SH3BP4: variants seen among roughly 807,000 people sequenced by gnomAD.
The protein encoded by SH3BP4 is SH3 domain-binding protein 4.
Under a neutral mutation model 65.5 loss-of-function variants are expected in SH3BP4, and 33 were observed. The observed-to-expected ratio is 0.50, with a 90% CI of 0.38 to 0.67. The LOEUF (loss-of-function observed/expected upper bound fraction) is 0.67. Ranked by LOEUF, SH3BP4 falls within the 30% of genes least tolerant of loss-of-function variation. SH3BP4 has a pLI of 0.00. For synonymous variants in SH3BP4, 552 were observed against 545.5 expected (o/e 1.01, Z -0.17); for missense variants, 1,134 against 1,261.4 (o/e 0.90, Z 1.53).
At position 235,041,408 on chromosome 2, in the gene SH3BP4, T is replaced by C; in HGVS notation, c.639T>C (p.Thr213=). The C allele has an allele frequency of 1.2e-6, 2 of 1,614,174 alleles. No homozygotes were observed. Among genetic ancestry groups the C allele is most frequent in the Non-Finnish European group, 1.7e-6 (2 of 1,180,022 alleles). The change falls in exon 4 of 6, where the codon ACT becomes ACC. Residue 213 remains threonine (T), a synonymous_variant. Coordinates refer to ENST00000392011, the MANE Select transcript of SH3BP4 (RefSeq NM_014521.3). This position sits in a 1 kb window ranked among gnomAD's most constrained non-coding sequence, Gnocchi z 6.0. ...TESSSATTNS[T]GNIFDELPVT... ...CCAGCTCAGCCACCACGAATAGCAC[T>C]GGCAACATCTTCGATGAGCTTCCAG... is the stretch of plus-strand genomic sequence containing the variant.
At chr2:235,020,104 C>T (rs576798710) in intron 2 of SH3BP4, among the ~76,000 whole-genome samples, 1 of 152,308 alleles carries the variant, frequency 6.6e-6, no homozygotes, top group African/African-American at 2.4e-5. Flanking sequence ...CACCACTGAG[C>T]TGGGCAGACT....
rs540239886 is a variant in SH3BP4 at position 235,019,732 on chromosome 2, G to A, written c.-132-15139G>A. ...ATTACAGGTGTGAGCCACCACGCCT[G>A]GCCAGGGAAGGGTGAGTTCTATTGT... On this transcript the variant is annotated intron_variant, in intron 2 of 5. Transcript: ENST00000392011. Among the ~76,000 whole-genome samples the A allele has an allele frequency of 8.8e-4, 133 of 151,548 alleles. 1 individual carries two copies. The highest frequency in any genetic ancestry group is 3.1e-3 in the African/African-American group (129 of 41,308).
rs148879087 is a variant in SH3BP4 at position 234,975,602 on chromosome 2, G to A, written c.-206-19701G>A. ...GAATGAAAGTTGTTTGAGGCTGGGC[G>A]CCGTGGTTCATGTCTGTAATCCCAA... On this transcript the variant is annotated intron_variant, in intron 1 of 5. Transcript: ENST00000392011. Among the ~76,000 whole-genome samples, 474 of 152,292 alleles carry A rather than the reference G, an allele frequency of 3.1e-3. 2 individuals carry two copies. Among genetic ancestry groups the A allele is most frequent in the African/African-American group, 0.011 (442 of 41,578 alleles).
At chr2:235,036,819 G>C (rs1695400832) in intron 3 of SH3BP4, among the ~76,000 whole-genome samples, 1 of 151,838 alleles carries the variant, frequency 6.6e-6, no homozygotes, top group South Asian at 2.1e-4. Context: ...TTTAGAGGAG[G>C]AAGACAAACA....
rs1026840265 is a variant in SH3BP4 at position 235,030,278 on chromosome 2, G to A, written c.-132-4593G>A. Among the ~76,000 whole-genome samples the A allele has an allele frequency of 4.3e-4, 66 of 152,298 alleles. No individual in the cohort carries two copies. The highest frequency in any genetic ancestry group is 2.1e-4 in the South Asian group (1 of 4,818). ...AGCGAAGGCCTGAGCAACTCTGGGC[G>A]TGGGAAGAAATAGTTAGCAAGACTG... On this transcript the variant is annotated intron_variant, in intron 2 of 5. Coordinates refer to ENST00000392011, the MANE Select transcript of SH3BP4 (RefSeq NM_014521.3). This position sits in a 1 kb window ranked among gnomAD's most constrained non-coding sequence, Gnocchi z 4.1.
chr2:234,996,207 G>T (rs182272801), intron 2 of SH3BP4, among the ~76,000 whole-genome samples: 131 of 152,328 alleles, frequency 8.6e-4, no homozygotes, highest in Non-Finnish European at 1.6e-3. Context: ...AAGGCCAAAG[G>T]GGGAGTTGAG....
At chr2:234,959,947 C>G (rs912070913) in intron 1 of SH3BP4, among the ~76,000 whole-genome samples, 1 of 152,104 alleles carries the variant, frequency 6.6e-6, no homozygotes, top group African/African-American at 2.4e-5. Context: ...CCACCTTGCC[C>G]GGCGAGGATT....
chr2:235,037,300 A>G (rs952616249), intron 3 of SH3BP4, among the ~76,000 whole-genome samples: 4 of 152,102 alleles, frequency 2.6e-5, no homozygotes, highest in Non-Finnish European at 4.4e-5. Flanking sequence ...GCTTGGTGGC[A>G]GTTGACTGAT....
intron 2 of SH3BP4, chr2:235,008,547 A>G (rs2106292473): frequency 6.6e-6 from 1 of 152,302 alleles, no homozygotes; most frequent in South Asian, 2.1e-4. Flanking sequence ...AATGCTCCTT[A>G]GGTACTTTCT....
rs186191172 is a variant in SH3BP4 at position 235,006,681 on chromosome 2, A to C, written c.-133+11305A>C. ...GGGCCAGCACCCCTTGGGCTCTCCGATGAGACTGGCAAGGCCAAGCATGTG... is the reference window on the plus strand; with the variant it reads ...GGGCCAGCACCCCTTGGGCTCTCCGCTGAGACTGGCAAGGCCAAGCATGTG... On this transcript the variant is annotated intron_variant, in intron 2 of 5. Coordinates refer to ENST00000392011, the MANE Select transcript of SH3BP4 (RefSeq NM_014521.3). Among the ~76,000 whole-genome samples, 31 of 152,266 alleles carry C rather than the reference A, an allele frequency of 2.0e-4. 1 individual carries two copies. In the East Asian group the frequency reaches 6.0e-3, roughly 30 times the overall value.
At chr2:235,003,722 A>C (rs575735510) in intron 2 of SH3BP4, among the ~76,000 whole-genome samples, 5 of 152,204 alleles carry the variant, frequency 3.3e-5, no homozygotes, top group Admixed American at 6.5e-5. Context: ...ATGCAGGGAG[A>C]TGTGGCTCTG....
intron 2 of SH3BP4, among the ~76,000 whole-genome samples, chr2:235,015,156 A>G (rs1346278334): frequency 1.3e-5 from 2 of 152,240 alleles, no homozygotes; most frequent in South Asian, 4.1e-4. Flanking sequence ...TAAAGAAATC[A>G]TACTACCCAA....
rs1178349607 is a variant in SH3BP4 at position 235,034,899 on chromosome 2, C to T, written c.-104C>T. 3 of 931,950 alleles carry T rather than the reference C, an allele frequency of 3.2e-6. No individual in the cohort carries two copies. The highest frequency in any genetic ancestry group is 2.5e-5 in the East Asian group (1 of 40,788). 57.7% of individuals were successfully genotyped at this position (931,950 alleles called of 1,614,324 possible). ...GAAACATATTGCCGAGTGGATGCCG[C>T]CGCGCAGCGTGTTTGCTTGAGGCAG... On this transcript the variant is annotated 5_prime_UTR_variant, in exon 3 of 6. Transcript: ENST00000392011. This position sits in a 1 kb window ranked among gnomAD's most constrained non-coding sequence, Gnocchi z 6.2.
Position 235,053,986 on chromosome 2 carries a change from G to C in SH3BP4, c.*170G>C. ...CGCCGCCCTCCTCCATCGAGGGAGA[G>C]GCCTGAAGGGACTGCCTACTGCAGC... On this transcript the variant is annotated 3_prime_UTR_variant, in exon 6 of 6. Coordinates refer to ENST00000392011, the MANE Select transcript of SH3BP4 (RefSeq NM_014521.3). 1.7e-6 allele frequency: 1 copy of C among 598,468 alleles called. No homozygotes were observed. The highest frequency in any genetic ancestry group is 2.0e-5 in the South Asian group (1 of 48,972). 37.1% of individuals were successfully genotyped at this position (598,468 alleles called of 1,614,324 possible).
intron 2 of SH3BP4, among the ~76,000 whole-genome samples, chr2:235,024,079 G>A (rs976807464): frequency 1.3e-5 from 2 of 152,202 alleles, no homozygotes; most frequent in African/African-American, 2.4e-5. Flanking sequence ...ATCTCGATTA[G>A]TAATTGATGG....
At chr2:235,050,800 A>T (rs1020407280) in intron 4 of SH3BP4, among the ~76,000 whole-genome samples, 5 of 151,510 alleles carry the variant, frequency 3.3e-5, no homozygotes, top group African/African-American at 1.2e-4. Context: ...GGCACAAAAT[A>T]GTTGGCCAAA....
intron 4 of SH3BP4, among the ~76,000 whole-genome samples, chr2:235,051,390 A>C (rs73995777): frequency 0.012 from 1,842 of 152,162 alleles, 32 homozygotes; most frequent in African/African-American, 0.042. Context: ...CCATATGTTC[A>C]ATGCCTGTCC....
Position 235,001,052 on chromosome 2 carries a change from C to T in SH3BP4, c.-133+5676C>T, listed in dbSNP as rs755391062. Reference sequence around the variant, plus strand: ...GCCCACTTTTGTGTCTGAGCTGGGACGTACAACCTCGTCTCTGCCTCCAGT... The same window carrying T: ...GCCCACTTTTGTGTCTGAGCTGGGATGTACAACCTCGTCTCTGCCTCCAGT... On this transcript the variant is annotated intron_variant, in intron 2 of 5. Coordinates refer to ENST00000392011, the MANE Select transcript of SH3BP4 (RefSeq NM_014521.3). Among the ~76,000 whole-genome samples the T allele has an allele frequency of 1.1e-4, 16 of 152,352 alleles. 1 individual carries two copies. The highest frequency in any genetic ancestry group is 2.2e-4 in the African/African-American group (9 of 41,578).
chr2:234,964,716 A>T (rs1475536711), intron 1 of SH3BP4, among the ~76,000 whole-genome samples: 1 of 152,156 alleles, frequency 6.6e-6, no homozygotes, highest in African/African-American at 2.4e-5. Flanking sequence ...CCTTCCCAAG[A>T]GCACCTGGGA....
Sources: gnomAD v4.1 joint callset for allele counts (sites outside exome capture counted in the v4.1 genomes callset) on GRCh38, gnomAD v4.1.1 for gene constraint, Gnocchi (gnomAD v3.1) non-coding constraint, MANE v1.5 for transcripts, NCBI Gene and HGNC (gene_info 2026-07-23, HGNC 2026-07-21) for gene names.